Variants in WDFY3 observed in about 807,000 individuals in gnomAD.
The protein encoded by WDFY3 is WD repeat and FYVE domain-containing protein 3.
In WDFY3, 66 loss-of-function variants were observed where a neutral mutation model predicts 409.6. The ratio of observed to expected loss-of-function variants is 0.16; its 90% CI spans 0.13 to 0.20. The LOEUF (loss-of-function observed/expected upper bound fraction) is 0.20. Among genes scored for constraint, WDFY3 ranks in the 10% least tolerant of loss-of-function variants. WDFY3 has a pLI of 1.00. For synonymous variants in WDFY3, 1,521 were observed against 1,537.1 expected, an observed-to-expected ratio of 0.99 and a Z score of 0.25; for missense variants, 3,031 against 4,298.1, an observed-to-expected ratio of 0.71 and a Z score of 8.24.
intron 36 of WDFY3, among the ~76,000 whole-genome samples, chr4:84,745,807 C>T (rs1046950474): frequency 2.0e-4 from 30 of 152,010 alleles, no homozygotes; most frequent in African/African-American, 7.2e-4. Flanking sequence ...CAAGGCCTGT[C>T]TAGTCCTTTC....
intron 2 of WDFY3, among the ~76,000 whole-genome samples, chr4:84,923,490 C>T (rs993800067): frequency 1.3e-5 from 2 of 152,118 alleles, no homozygotes; most frequent in African/African-American, 4.8e-5. Context: ...TTATAGGGTT[C>T]CTATGCCACA....
chr4:84,718,602 T>C (rs1284930276), intron 47 of WDFY3, 32 bp from the exon 48 acceptor site: 4 of 1,592,550 alleles, frequency 2.5e-6, no homozygotes, highest in Non-Finnish European at 3.4e-6. Flanking sequence ...TTCATTAATA[T>C]AGGCTTTTTG....
intron 1 of WDFY3, among the ~76,000 whole-genome samples, chr4:84,947,531 A>C (rs897337111): frequency 2.7e-5 from 4 of 146,872 alleles, no homozygotes; most frequent in Non-Finnish European, 1.5e-5. Flanking sequence ...AATAATAATA[A>C]TAATAATAAT....
chr4:84,823,674 C>T (rs559768880), intron 10 of WDFY3, among the ~76,000 whole-genome samples: 2 of 152,112 alleles, frequency 1.3e-5, no homozygotes, highest in South Asian at 2.1e-4. Context: ...ATAAAAAATG[C>T]AAAACTTCAT....
chr4:84,726,421 G>A (rs534197471), intron 45 of WDFY3, among the ~76,000 whole-genome samples: 1 of 151,810 alleles, frequency 6.6e-6, no homozygotes, highest in East Asian at 1.9e-4. Context: ...GTTTCCATTC[G>A]TTCTGATTGA....
At position 84,810,072 on chromosome 4, in the gene WDFY3, T is replaced by G; in HGVS notation, c.2160A>C (p.Arg720=). 1 of 1,614,144 alleles carries G rather than the reference T, an allele frequency of 6.2e-7. No homozygotes were observed. The highest frequency in any genetic ancestry group is 8.5e-7 in the Non-Finnish European group (1 of 1,179,992). The change falls in exon 14 of 68, where the codon CGA becomes CGC. Residue 720 remains arginine (R), a synonymous_variant. Transcript: ENST00000295888. ...IQYEKLADAV[R]FLGCFSDLRK... Reference sequence around the variant, plus strand: ...TTAGGTCTGAGAAGCAGCCAAGAAATCGAACAGCATCTGCCAACTTCTCAT... The same window carrying G: ...TTAGGTCTGAGAAGCAGCCAAGAAAGCGAACAGCATCTGCCAACTTCTCAT...
At chr4:84,809,852 C>T in intron 14 of WDFY3, 35 bp downstream of exon 14, 5 of 1,583,960 alleles carry the variant, frequency 3.2e-6, no homozygotes, top group Non-Finnish European at 4.3e-6. Context: ...GCTTAGTATA[C>T]ACCCTTTAAT....
intron 4 of WDFY3, among the ~76,000 whole-genome samples, chr4:84,859,207 A>G (rs1760199717): frequency 6.6e-6 from 1 of 152,236 alleles, no homozygotes; most frequent in African/African-American, 2.4e-5. Flanking sequence ...AGTATAGTAT[A>G]AGGTTCATCT....
chr4:84,735,209 G>A, intron 42 of WDFY3, 89 bp from the exon 43 acceptor site: 7 of 1,215,560 alleles, frequency 5.8e-6, no homozygotes, highest in Middle Eastern at 2.7e-4. Context: ...CTAAATAATT[G>A]GTTAAAATTC....
At chr4:84,803,617 T>A in intron 15 of WDFY3, 150 bp from the exon 16 acceptor site, 2 of 821,234 alleles carry the variant, frequency 2.4e-6, no homozygotes, top group Non-Finnish European at 3.8e-6. Flanking sequence ...TCAACTCGAG[T>A]TGATATGTGT....
At chr4:84,827,443 A>G (rs1357870712) in intron 9 of WDFY3, among the ~76,000 whole-genome samples, 4 of 152,080 alleles carry the variant, frequency 2.6e-5, no homozygotes, top group Non-Finnish European at 5.9e-5. Context: ...ACTTCCACAC[A>G]TTAGTGTAAG....
At chr4:84,867,005 T>C (rs1396271677) in intron 3 of WDFY3, among the ~76,000 whole-genome samples, 1 of 152,156 alleles carries the variant, frequency 6.6e-6, no homozygotes, top group African/African-American at 2.4e-5. Context: ...AACACACCCG[T>C]ATAATAAATC....
chr4:84,677,737 C>T (rs894331655), intron 66 of WDFY3, among the ~76,000 whole-genome samples: 8 of 152,026 alleles, frequency 5.3e-5, no homozygotes, highest in Admixed American at 1.3e-4. Flanking sequence ...CCGAGGTGGG[C>T]GGATCACTTG....
chr4:84,837,203 T>G (rs1756695183), intron 6 of WDFY3, 113 bp from the exon 7 acceptor site: 1 of 893,908 alleles, frequency 1.1e-6, no homozygotes, highest in Non-Finnish European at 1.5e-6. Flanking sequence ...CTTTTTAAAA[T>G]GCATGTAAGA....
intron 1 of WDFY3, among the ~76,000 whole-genome samples, chr4:84,960,983 G>A (rs1196517577): frequency 3.9e-5 from 6 of 152,056 alleles, no homozygotes; most frequent in East Asian, 1.9e-4. Context: ...TTGGGAGGCC[G>A]AGGCGGGCGG....
At chr4:84,918,210 C>A (rs768822814) in intron 2 of WDFY3, among the ~76,000 whole-genome samples, 11 of 152,100 alleles carry the variant, frequency 7.2e-5, no homozygotes, top group Non-Finnish European at 1.6e-4. Flanking sequence ...CTACATTTAT[C>A]CTGAAGATAC....
chr4:84,916,213 G>A (rs1049227430), intron 2 of WDFY3, among the ~76,000 whole-genome samples: 1 of 152,114 alleles, frequency 6.6e-6, no homozygotes, highest in African/African-American at 2.4e-5. Context: ...CAAAAGGTAA[G>A]TTCATCAGTT....
At chr4:84,778,699 T>C in intron 26 of WDFY3, 44 bp from the exon 27 acceptor site, 1 of 1,576,224 alleles carries the variant, frequency 6.3e-7, no homozygotes, top group Non-Finnish European at 8.6e-7. Flanking sequence ...AATCATCATA[T>C]ATATTCATTA....
intron 17 of WDFY3, 36 bp from the exon 18 acceptor site, chr4:84,798,144 G>C: frequency 6.7e-7 from 1 of 1,502,452 alleles, no homozygotes; most frequent in Non-Finnish European, 9.2e-7. Context: ...TTCCTTGATT[G>C]AGATTATTAT....
Sources: allele counts gnomAD v4.1 joint callset (sites outside exome capture counted in the v4.1 genomes callset), GRCh38; gene constraint gnomAD v4.1.1; transcripts MANE v1.5; gene names NCBI Gene and HGNC (gene_info 2026-07-23, HGNC 2026-07-21).